Variants in PRR33 observed in about 807,000 individuals in gnomAD.
The protein encoded by PRR33 is proline rich 33.
PRR33 carries 1 observed loss-of-function variant against 0.5 expected under a neutral mutation model. The ratio of observed to expected loss-of-function variants is 2.18; its 90% CI spans 0.77 to 10.34. PRR33 has a LOEUF of 10.34. PRR33 is among the 30% of genes most tolerant of loss of function. The probability of loss-of-function intolerance (pLI) is 0.13; values close to 1 mark genes in which losing one functional copy is unlikely to be tolerated. For synonymous variants in PRR33, 226 were observed against 110.0 expected, an observed-to-expected ratio of 2.06 and a Z score of -6.60; for missense variants, 552 against 251.8, an observed-to-expected ratio of 2.19 and a Z score of -8.07.
upstream of PRR33, among the ~76,000 whole-genome samples, chr11:1,895,138 CT>C (rs536530005): frequency 5.8e-4 from 85 of 146,316 alleles, no homozygotes; most frequent in Admixed American, 5.5e-4. Flanking sequence ...TTCTTTCTTT[CT>C]TTTTTTTTTT....
At chr11:1,894,120 G>C (rs1210691580), upstream of PRR33, among the ~76,000 whole-genome samples, 2 of 47,312 alleles carry the variant, frequency 4.2e-5, no homozygotes, top group Non-Finnish European at 9.0e-5. Context: ...GTGTGTGTGT[G>C]TTTGTGTGTA....
At chr11:1,890,481 T>C (rs1229372755) in exon 1 of PRR33, 2 of 717,196 alleles carry the variant, frequency 2.8e-6, no homozygotes, top group South Asian at 1.5e-5. Flanking sequence ...CAAACGCAAG[T>C]TGTCCTTCCC....
chr11:1,898,060 C>A, the PRR33 span, among the ~76,000 whole-genome samples: 4 of 152,174 alleles, frequency 2.6e-5, no homozygotes, highest in Non-Finnish European at 5.9e-5. Context: ...ATACCTGATA[C>A]ATTCCTCCAT....
At chr11:1,911,990 C>T in the PRR33 span, among the ~76,000 whole-genome samples, 9 of 119,794 alleles carry the variant, frequency 7.5e-5, no homozygotes, top group African/African-American at 2.6e-4. Context: ...GTGAGTGAGA[C>T]CCCATCTCTA....
the PRR33 span, among the ~76,000 whole-genome samples, chr11:1,904,784 C>T: frequency 6.6e-6 from 1 of 151,796 alleles, no homozygotes; most frequent in Middle Eastern, 3.2e-3. Context: ...GCTGGGATTA[C>T]AGGCGAGAGC....
At chr11:1,890,084 G>A (rs748663413) in exon 1 of PRR33, 6 of 715,710 alleles carry the variant, frequency 8.4e-6, no homozygotes, top group African/African-American at 7.0e-5. Flanking sequence ...AGACAGGGAC[G>A]AAGCCACTGG....
chr11:1,908,950 T>C, the PRR33 span, among the ~76,000 whole-genome samples: 1 of 152,274 alleles, frequency 6.6e-6, no homozygotes, highest in African/African-American at 2.4e-5. Flanking sequence ...CTTCGTGTTG[T>C]TTTGCTTTCA....
chr11:1,893,139 C>T (rs12226428), upstream of PRR33, among the ~76,000 whole-genome samples: 1 of 42,156 alleles, frequency 2.4e-5, no homozygotes, highest in Non-Finnish European at 4.9e-5. Flanking sequence ...AATGGATAGA[C>T]GGACATATGG....
the PRR33 span, among the ~76,000 whole-genome samples, chr11:1,906,264 C>T: frequency 6.6e-6 from 1 of 151,980 alleles, no homozygotes; most frequent in Non-Finnish European, 1.5e-5. Context: ...CTTTTTCTGC[C>T]TCCTTTTGCG....
chr11:1,912,391 G>A, the PRR33 span, among the ~76,000 whole-genome samples: 2 of 151,988 alleles, frequency 1.3e-5, no homozygotes, highest in African/African-American at 2.4e-5. Context: ...TCAATTCCAT[G>A]TTCTATTTCT....
chr11:1,911,330 T>C, the PRR33 span, among the ~76,000 whole-genome samples: 1 of 150,540 alleles, frequency 6.6e-6, no homozygotes, highest in African/African-American at 2.4e-5. Context: ...TAATCCCAGC[T>C]ACTAGGGAGG....
chr11:1,899,546 T>C, the PRR33 span, among the ~76,000 whole-genome samples: 42 of 152,282 alleles, frequency 2.8e-4, no homozygotes, highest in African/African-American at 1.0e-3. Context: ...TACATGAGGT[T>C]CTATATAGGA....
the PRR33 span, among the ~76,000 whole-genome samples, chr11:1,899,117 G>A: frequency 6.6e-6 from 1 of 152,058 alleles, no homozygotes; most frequent in East Asian, 1.9e-4. Context: ...TACCCCATGA[G>A]TGCACATAAG....
upstream of PRR33, among the ~76,000 whole-genome samples, chr11:1,895,543 A>G (rs1408201818): frequency 6.6e-6 from 1 of 152,052 alleles, no homozygotes; most frequent in African/African-American, 2.4e-5. Flanking sequence ...AATTTTAAAC[A>G]TTTTTGATGA....
chr11:1,912,498 C>T, the PRR33 span, among the ~76,000 whole-genome samples: 2 of 152,218 alleles, frequency 1.3e-5, no homozygotes, highest in African/African-American at 2.4e-5. Flanking sequence ...TTCGTCATTA[C>T]GTTCCTCTTT....
At chr11:1,903,852 G>A in the PRR33 span, among the ~76,000 whole-genome samples, 1 of 152,162 alleles carries the variant, frequency 6.6e-6, no homozygotes, top group Non-Finnish European at 1.5e-5. Flanking sequence ...ACATCCTTGT[G>A]AATGTCCAAA....
the PRR33 span, among the ~76,000 whole-genome samples, chr11:1,900,571 G>A: frequency 6.6e-6 from 1 of 152,296 alleles, no homozygotes; most frequent in South Asian, 2.1e-4. Context: ...GTGTGTTTGT[G>A]AGTTTTCAGA....
chr11:1,889,215 C>A, exon 1 of PRR33: 2 of 675,000 alleles, frequency 3.0e-6, no homozygotes, highest in Admixed American at 2.2e-5. Flanking sequence ...CAGGATGGAG[C>A]GGACTGTGGG....
the PRR33 span, among the ~76,000 whole-genome samples, chr11:1,914,187 T>C: frequency 6.6e-6 from 1 of 152,364 alleles, no homozygotes; most frequent in Admixed American, 6.5e-5. Context: ...ACGGTGCACA[T>C]TGGTGTGTGT....
Sources: gnomAD v4.1 joint callset for allele counts (sites outside exome capture counted in the v4.1 genomes callset) on GRCh38, gnomAD v4.1.1 for gene constraint, MANE v1.5 for transcripts, NCBI Gene and HGNC (gene_info 2026-07-23, HGNC 2026-07-21) for gene names.